The following ATP2B2 variants were observed in gnomAD, a reference collection of about 807,000 sequenced individuals.
ATP2B2 encodes the protein ATPase plasma membrane Ca2+ transporting 2.
Under a neutral mutation model 120.0 loss-of-function variants are expected in ATP2B2, and 15 were observed. The ratio of observed to expected loss-of-function variants is 0.12; its 90% confidence interval spans 0.08 to 0.19. The LOEUF (loss-of-function observed/expected upper bound fraction) is 0.19, where lower values mean the gene tolerates loss of function less well. Among genes scored for constraint, ATP2B2 ranks in the 10% least tolerant of loss-of-function variants. ATP2B2 has a pLI of 1.00. For synonymous variants in ATP2B2, 694 were observed against 700.3 expected (o/e 0.99, Z 0.14); for missense variants, 1,045 against 1,719.8 (o/e 0.61, Z 6.94).
chr3:10,335,545 C>T (rs544383443), intron 22 of ATP2B2, among the ~76,000 whole-genome samples: 1 of 152,314 alleles, frequency 6.6e-6, no homozygotes, highest in South Asian at 2.1e-4. Context: ...CCATGACCCT[C>T]ATTACTGTGG....
chr3:10,402,399 G>A lies in ATP2B2; in HGVS notation c.398-51C>T, dbSNP rs1220156711. On this transcript the variant is annotated intron_variant, in intron 3 of 22. Coordinates refer to ENST00000360273, the MANE Select transcript of ATP2B2 (RefSeq NM_001001331.4). The surrounding 1 kb of genome is among the most constrained non-coding windows in gnomAD (Gnocchi z 4.9). ...GAGTGAGGTCAACCAGACAGGAGAGGCCTCATGGGCCTGGATTTACAGCTC... is the reference window on the plus strand; with the variant it reads ...GAGTGAGGTCAACCAGACAGGAGAGACCTCATGGGCCTGGATTTACAGCTC... 6.2e-7 allele frequency: 1 copy of A among 1,605,644 alleles called. No individual in the cohort carries two copies. Among genetic ancestry groups the A allele is most frequent in the Non-Finnish European group, 8.5e-7 (1 of 1,178,924 alleles).
intron 2 of ATP2B2, among the ~76,000 whole-genome samples, chr3:10,587,742 G>C (rs959592182): frequency 3.4e-5 from 4 of 116,918 alleles, no homozygotes; most frequent in Admixed American, 3.3e-4. Context: ...AAGTGTTTCT[G>C]GTTTTTTTGT....
chr3:10,358,043 T>C (rs1008806792), intron 14 of ATP2B2, among the ~76,000 whole-genome samples: 1 of 152,216 alleles, frequency 6.6e-6, no homozygotes, highest in Non-Finnish European at 1.5e-5. Flanking sequence ...ATCGCCTCCC[T>C]TGATCCTTGT....
intron 2 of ATP2B2, among the ~76,000 whole-genome samples, chr3:10,545,327 C>T (rs915027625): frequency 1.3e-5 from 2 of 152,018 alleles, no homozygotes; most frequent in Non-Finnish European, 2.9e-5. Flanking sequence ...GTCAGGAGTT[C>T]GAGACCAGCC....
At chr3:10,374,154 A>C (rs2061319189) in intron 11 of ATP2B2, among the ~76,000 whole-genome samples, 1 of 152,196 alleles carries the variant, frequency 6.6e-6, no homozygotes, top group African/African-American at 2.4e-5. Context: ...TCTGTATATG[A>C]TTCTCCCAAA....
At chr3:10,650,840 TGCAAAGC>T (rs1249273369) in intron 1 of ATP2B2, among the ~76,000 whole-genome samples, 6 of 152,208 alleles carry the variant, frequency 3.9e-5, no homozygotes, top group Non-Finnish European at 8.8e-5. Flanking sequence ...AGCTATGCCC[TGCAAAGC>T]CACAGGGTTG....
At position 10,350,471 on chromosome 3, in the gene ATP2B2, A is replaced by G; in HGVS notation, c.2243T>C (p.Ile748Thr). 1 of 1,614,218 alleles carries G rather than the reference A, an allele frequency of 6.2e-7. No homozygotes were observed. The change falls in exon 15 of 23, where the codon ATC (isoleucine) becomes ACC (threonine). Residue 748 changes from isoleucine to threonine, a missense_variant. Around this residue, in one of 11 missense-constraint regions of ATP2B2, gnomAD observed 343 missense variants for 536.8 expected, o/e 0.64. Transcript: ENST00000360273. ...ARAIAIKCGI[I>T]HPGEDFLCLE... The stretch of plus-strand genomic sequence containing the variant: ...GCACAGAAAGTCCTCCCCAGGATGG[A>G]TGATGCCACACTTGATGGCGATGGC...
intron 2 of ATP2B2, among the ~76,000 whole-genome samples, chr3:10,578,043 A>G (rs1235207491): frequency 6.6e-6 from 1 of 152,182 alleles, no homozygotes; most frequent in Non-Finnish European, 1.5e-5. Context: ...TAACCCTGTG[A>G]TCTAGGCCCT....
intron 1 of ATP2B2, among the ~76,000 whole-genome samples, chr3:10,621,338 A>C (rs1051742810): frequency 2.0e-5 from 3 of 152,210 alleles, no homozygotes; most frequent in African/African-American, 7.2e-5. Flanking sequence ...GCCAACACAG[A>C]GCAGTCACGG....
At chr3:10,612,871 G>A (rs1559486617) in intron 2 of ATP2B2, among the ~76,000 whole-genome samples, 1 of 152,186 alleles carries the variant, frequency 6.6e-6, no homozygotes, top group Non-Finnish European at 1.5e-5. Context: ...GTTCCTGGAA[G>A]GCAAACTCTA....
intron 2 of ATP2B2, among the ~76,000 whole-genome samples, chr3:10,550,778 T>C (rs1279184410): frequency 2.6e-5 from 4 of 152,176 alleles, no homozygotes; most frequent in Admixed American, 2.6e-4. Flanking sequence ...AGAAGAGTTT[T>C]AAATAGTAGG....
At chr3:10,563,412 GC>G (rs2067944884) in intron 2 of ATP2B2, among the ~76,000 whole-genome samples, 1 of 152,246 alleles carries the variant, frequency 6.6e-6, no homozygotes, top group Admixed American at 6.5e-5. Context: ...CAACAAAACT[GC>G]TCTGACCCTC....
intron 1 of ATP2B2, among the ~76,000 whole-genome samples, chr3:10,663,833 A>G (rs944082794): frequency 3.3e-5 from 5 of 152,094 alleles, no homozygotes; most frequent in African/African-American, 1.2e-4. Flanking sequence ...AGGGACTACT[A>G]AGACACACCC....
upstream of ATP2B2, chr3:10,505,648 G>C (rs963654503): frequency 1.4e-5 from 2 of 144,888 alleles, no homozygotes; most frequent in African/African-American, 5.1e-5. Context: ...TTCTAGGAGA[G>C]CATCTCGCCG....
intron 14 of ATP2B2, among the ~76,000 whole-genome samples, 196 bp from the exon 15 acceptor site, chr3:10,350,773 A>G (rs1287423463): frequency 6.6e-6 from 1 of 152,228 alleles, no homozygotes; most frequent in East Asian, 1.9e-4. Context: ...TTGTTAATCA[A>G]TCACACATCC....
rs2060818975 is a variant in ATP2B2 at position 10,358,980 on chromosome 3, C to T, written c.1902-55G>A. ...CCCAGGGAATGCTCCTTCTGAAAGG[C>T]TTAGAGACCACCTCCCCACCCTCGT... On this transcript the variant is annotated intron_variant, in intron 13 of 22. Transcript: ENST00000360273. 5.1e-6 allele frequency: 8 copies of T among 1,554,490 alleles called. No individual in the cohort carries two copies. In the South Asian group the frequency reaches 7.9e-5, roughly 15 times the overall value.
At chr3:10,369,439 A>G (rs2061162981) in intron 12 of ATP2B2, among the ~76,000 whole-genome samples, 1 of 152,182 alleles carries the variant, frequency 6.6e-6, no homozygotes, top group African/African-American at 2.4e-5. Flanking sequence ...CCAAAAACCT[A>G]GTCTGGACAT....
chr3:10,586,340 C>T (rs1455424836), intron 2 of ATP2B2, among the ~76,000 whole-genome samples: 1 of 152,166 alleles, frequency 6.6e-6, no homozygotes, highest in East Asian at 1.9e-4. Context: ...GTGCCAGGCT[C>T]CAGGCCAGGA....
chr3:10,624,928 C>A (rs1182126680), intron 1 of ATP2B2, among the ~76,000 whole-genome samples: 1 of 152,140 alleles, frequency 6.6e-6, no homozygotes, highest in Non-Finnish European at 1.5e-5. Context: ...AGATACCCGA[C>A]CCCCACCATG....
Sources: allele counts gnomAD v4.1 joint callset (sites outside exome capture counted in the v4.1 genomes callset), GRCh38; gene constraint gnomAD v4.1.1; regional missense constraint gnomAD v4.1.1; non-coding constraint Gnocchi (gnomAD v3.1); transcripts MANE v1.5; gene names NCBI Gene and HGNC (gene_info 2026-07-23, HGNC 2026-07-21).